The following AKR1C8 variants were observed in gnomAD, a reference collection of about 807,000 sequenced individuals.
AKR1C8 encodes the protein aldo-keto reductase family 1 member C8.
At chr10:5,163,350 C>T in the AKR1C8 span, among the ~76,000 whole-genome samples, 1 of 152,170 alleles carries the variant, frequency 6.6e-6, no homozygotes. Context: ...CTGAAAGCAA[C>T]TGGCCCTGTC....
the AKR1C8 span, among the ~76,000 whole-genome samples, chr10:5,169,568 C>T: frequency 4.2e-5 from 6 of 143,748 alleles, no homozygotes; most frequent in Middle Eastern, 3.5e-3. Flanking sequence ...CAGTCAGAGG[C>T]GCATGTTTGG....
the AKR1C8 span, chr10:5,162,859 G>A: frequency 1.9e-6 from 1 of 533,284 alleles, no homozygotes; most frequent in Non-Finnish European, 3.9e-6. Context: ...TCACCTTGAT[G>A]GTGTAGAATA....
At chr10:5,169,048 C>T in the AKR1C8 span, among the ~76,000 whole-genome samples, 1 of 145,916 alleles carries the variant, frequency 6.9e-6, no homozygotes, top group African/African-American at 2.5e-5. Context: ...AAATGTATTA[C>T]TCAGACAAGC....
the AKR1C8 span, among the ~76,000 whole-genome samples, chr10:5,129,980 G>A: frequency 6.6e-6 from 1 of 151,758 alleles, no homozygotes; most frequent in African/African-American, 2.4e-5. Context: ...GAAAACTATA[G>A]GCCAATATCC....
the AKR1C8 span, among the ~76,000 whole-genome samples, chr10:5,139,039 T>A: frequency 6.6e-6 from 1 of 152,038 alleles, no homozygotes; most frequent in Non-Finnish European, 1.5e-5. Context: ...AAATCATGAG[T>A]GAACTCCCAT....
chr10:5,152,844 A>G, the AKR1C8 span, among the ~76,000 whole-genome samples: 1 of 152,138 alleles, frequency 6.6e-6, no homozygotes, highest in Non-Finnish European at 1.5e-5. Context: ...CTTAGCCCCT[A>G]AAGCTGTGAT....
the AKR1C8 span, among the ~76,000 whole-genome samples, chr10:5,158,274 C>T: frequency 6.6e-6 from 1 of 152,056 alleles, no homozygotes; most frequent in Non-Finnish European, 1.5e-5. Context: ...GTTTGTATAC[C>T]ACATTAGGGA....
At chr10:5,178,260 G>GT in the AKR1C8 span, among the ~76,000 whole-genome samples, 2 of 152,134 alleles carry the variant, frequency 1.3e-5, no homozygotes, top group African/African-American at 4.8e-5. Context: ...TCAGGAGCAG[G>GT]TTGTTCAGTT....
the AKR1C8 span, among the ~76,000 whole-genome samples, chr10:5,164,271 T>C: frequency 1.3e-5 from 2 of 152,190 alleles, no homozygotes; most frequent in East Asian, 3.9e-4. Context: ...CCTTTCCAGT[T>C]CAGAACAGCC....
chr10:5,180,460 C>T, the AKR1C8 span, among the ~76,000 whole-genome samples: 1 of 152,132 alleles, frequency 6.6e-6, no homozygotes, highest in Non-Finnish European at 1.5e-5. Context: ...TCTGCCTGTT[C>T]TCAGAGCTCC....
the AKR1C8 span, among the ~76,000 whole-genome samples, chr10:5,140,931 T>C: frequency 8.6e-3 from 1,312 of 152,222 alleles, 29 homozygotes; most frequent in African/African-American, 0.03. Context: ...CTGTGGCAAT[T>C]TCTTAAATAA....
At chr10:5,169,541 AT>A in the AKR1C8 span, among the ~76,000 whole-genome samples, 82,738 of 150,936 alleles carry the variant, frequency 0.55, 23,506 homozygotes, top group Non-Finnish European at 0.6. Flanking sequence ...CAGAAGTAAC[AT>A]TTTTTTTCTT....
the AKR1C8 span, chr10:5,123,890 A>G: frequency 6.8e-7 from 1 of 1,463,598 alleles, no homozygotes; most frequent in South Asian, 1.4e-5. Flanking sequence ...AAGATTACAG[A>G]TTAAAGTAAA....
the AKR1C8 span, among the ~76,000 whole-genome samples, chr10:5,116,791 T>C: frequency 6.6e-6 from 1 of 151,868 alleles, no homozygotes; most frequent in African/African-American, 2.4e-5. Context: ...GCTGCAGCTG[T>C]CTGCTTTTGG....
the AKR1C8 span, chr10:5,160,960 C>T: frequency 1.1e-5 from 5 of 459,278 alleles, no homozygotes; most frequent in South Asian, 3.2e-5. Context: ...CTAAGGAGCT[C>T]GGCCAAACAA....
At chr10:5,131,238 AT>A in the AKR1C8 span, among the ~76,000 whole-genome samples, 5 of 151,970 alleles carry the variant, frequency 3.3e-5, no homozygotes, top group East Asian at 9.6e-4. Context: ...AGAAGATAAC[AT>A]TGGAAAAACT....
At chr10:5,176,610 G>A in the AKR1C8 span, among the ~76,000 whole-genome samples, 891 of 151,932 alleles carry the variant, frequency 5.9e-3, 4 homozygotes, top group African/African-American at 0.02. Context: ...CTACCCATGA[G>A]CATGGAATGT....
the AKR1C8 span, among the ~76,000 whole-genome samples, chr10:5,133,441 TGGAAGGAACTACA>T: frequency 0.064 from 9,688 of 152,182 alleles, 361 homozygotes; most frequent in Middle Eastern, 0.082. Flanking sequence ...AGAAGGCACA[TGGAAGGAACTACA>T]GGAAGAATAC....
the AKR1C8 span, among the ~76,000 whole-genome samples, chr10:5,168,915 T>C: frequency 6.6e-6 from 1 of 152,100 alleles, no homozygotes; most frequent in South Asian, 2.1e-4. Flanking sequence ...CTCTAAACTG[T>C]CCATGTTGAA....
Sources: gnomAD v4.1 joint callset for allele counts (sites outside exome capture counted in the v4.1 genomes callset) on GRCh38, gnomAD v4.1.1 for gene constraint, MANE v1.5 for transcripts, NCBI Gene and HGNC (gene_info 2026-07-23, HGNC 2026-07-21) for gene names.